Variants in EPN2 observed in about 807,000 individuals in gnomAD.
EPN2 encodes the protein epsin 2.
A neutral mutation model predicts 61.7 loss-of-function variants in EPN2; 34 were observed. The ratio of observed to expected loss-of-function variants is 0.55; its 90% confidence interval spans 0.42 to 0.73. The LOEUF is 0.73. EPN2 is among the 30% of genes least tolerant of loss of function. The pLI is 0.00. For synonymous variants in EPN2, 349 were observed against 353.6 expected (o/e 0.99, Z 0.15); for missense variants, 714 against 839.2 (o/e 0.85, Z 1.84).
chr17:19,317,671 A>C (rs1239164506), intron 7 of EPN2, among the ~76,000 whole-genome samples: 1 of 152,192 alleles, frequency 6.6e-6, no homozygotes, highest in African/African-American at 2.4e-5. Flanking sequence ...CCTTGGTTCC[A>C]TCTTCGTTTC....
intron 1 of EPN2, among the ~76,000 whole-genome samples, chr17:19,240,195 A>G (rs2044868488): frequency 6.6e-6 from 1 of 152,054 alleles, no homozygotes; most frequent in Admixed American, 6.6e-5. Flanking sequence ...ATTTTATGAC[A>G]TGTATACCTG....
At chr17:19,284,983 A>G (rs2045390727) in intron 3 of EPN2, among the ~76,000 whole-genome samples, 1 of 152,250 alleles carries the variant, frequency 6.6e-6, no homozygotes, top group Non-Finnish European at 1.5e-5. Flanking sequence ...CTTAATCTCC[A>G]GAAGCCTCAA....
At chr17:19,243,384 ATTTTTTTTTTTTTTTT>A (rs1013094131) in intron 1 of EPN2, among the ~76,000 whole-genome samples, 1 of 77,280 alleles carries the variant, frequency 1.3e-5, no homozygotes, top group African/African-American at 6.6e-5. Context: ...TGCCTGGCTA[ATTTTTTTTTTTTTTTT>A]TTTTTTTTTT....
At chr17:19,303,442 G>A (rs1368989703) in intron 4 of EPN2, among the ~76,000 whole-genome samples, 1 of 152,202 alleles carries the variant, frequency 6.6e-6, no homozygotes, top group African/African-American at 2.4e-5. Context: ...CTCCGGGCCA[G>A]CCTTCCTTCG....
At chr17:19,309,493 A>G (rs1272484492) in intron 4 of EPN2, among the ~76,000 whole-genome samples, 1 of 152,064 alleles carries the variant, frequency 6.6e-6, no homozygotes, top group Admixed American at 6.5e-5. Context: ...GATGCCCTCC[A>G]CCTGTTTGAA....
intron 1 of EPN2, among the ~76,000 whole-genome samples, chr17:19,248,963 G>GC (rs989523234): frequency 2.0e-5 from 3 of 152,226 alleles, no homozygotes; most frequent in African/African-American, 7.2e-5. Flanking sequence ...AGGATCCCTG[G>GC]CCGAGGGAGC....
intron 5 of EPN2, among the ~76,000 whole-genome samples, chr17:19,310,831 G>A (rs1906102144): frequency 6.6e-6 from 1 of 151,970 alleles, no homozygotes; most frequent in Admixed American, 6.6e-5. Context: ...GCCCACCTCG[G>A]CCTCCCAAAG....
intron 1 of EPN2, among the ~76,000 whole-genome samples, chr17:19,267,819 G>A (rs570963718): frequency 2.6e-5 from 4 of 152,308 alleles, no homozygotes; most frequent in African/African-American, 9.6e-5. Flanking sequence ...GGGATTACAG[G>A]CAGGAGCCAC....
intron 4 of EPN2, among the ~76,000 whole-genome samples, chr17:19,296,096 C>T (rs373557488): frequency 1.3e-5 from 2 of 152,116 alleles, no homozygotes; most frequent in Non-Finnish European, 2.9e-5. Flanking sequence ...TCCCGCAAGT[C>T]CACTCTGCGA....
Position 19,335,596 on chromosome 17 carries a change from A to C in EPN2, c.*1342A>C. 5 of 833,962 alleles carry C rather than the reference A, an allele frequency of 6.0e-6. No individual in the cohort carries two copies. Among genetic ancestry groups the C allele is most frequent in the Non-Finnish European group, 5.3e-6 (3 of 563,896 alleles). 51.7% of individuals were successfully genotyped at this position (833,962 alleles called of 1,614,324 possible). A position where few individuals can be genotyped will look rare whatever the true frequency, so the allele number is the denominator to read the frequency against. ...TTCTGTGCCCACGGGTCCCTGGGCA[A>C]CAGTCCCTAGGCTAAGACAGGGGTG... is the stretch of plus-strand genomic sequence containing the variant. On this transcript the variant is annotated 3_prime_UTR_variant, in exon 11 of 11. Transcript: ENST00000314728.
At chr17:19,257,462 A>G (rs1004946434) in intron 1 of EPN2, among the ~76,000 whole-genome samples, 1 of 152,142 alleles carries the variant, frequency 6.6e-6, no homozygotes, top group Non-Finnish European at 1.5e-5. Context: ...CCTATACGTC[A>G]AGTCCTAGTT....
intron 7 of EPN2, among the ~76,000 whole-genome samples, chr17:19,323,196 GA>G (rs1906721191): frequency 6.6e-6 from 1 of 152,170 alleles, no homozygotes; most frequent in African/African-American, 2.4e-5. Context: ...GGTGCTGTAT[GA>G]TAAGTGATCT....
chr17:19,327,296 G>C (rs1430648239), intron 7 of EPN2, among the ~76,000 whole-genome samples: 1 of 152,108 alleles, frequency 6.6e-6, no homozygotes, highest in Non-Finnish European at 1.5e-5. Flanking sequence ...CCTCAACACA[G>C]ATGACTCTCT....
intron 4 of EPN2, among the ~76,000 whole-genome samples, chr17:19,303,147 A>C (rs1015320395): frequency 1.3e-5 from 2 of 152,176 alleles, no homozygotes; most frequent in East Asian, 3.9e-4. Flanking sequence ...TTTATGCTGA[A>C]ATATTTAAGA....
intron 4 of EPN2, among the ~76,000 whole-genome samples, chr17:19,298,976 C>G (rs1905336338): frequency 6.6e-6 from 1 of 152,018 alleles, no homozygotes; most frequent in Non-Finnish European, 1.5e-5. Flanking sequence ...TGGATTATTT[C>G]TTCAATGTGG....
intron 4 of EPN2, chr17:19,297,375 A>G (rs562278108): frequency 6.6e-6 from 1 of 152,396 alleles, no homozygotes; most frequent in Admixed American, 6.5e-5. Context: ...TATATTATGC[A>G]GATAGTATAA....
intron 7 of EPN2, among the ~76,000 whole-genome samples, chr17:19,327,016 A>C (rs897134134): frequency 2.6e-5 from 4 of 152,190 alleles, no homozygotes; most frequent in African/African-American, 9.7e-5. Flanking sequence ...ATTGGCACAC[A>C]TGGGAAAGTA....
intron 1 of EPN2, among the ~76,000 whole-genome samples, chr17:19,251,555 T>C (rs1448059610): frequency 1.3e-5 from 2 of 152,134 alleles, no homozygotes; most frequent in Non-Finnish European, 2.9e-5. Context: ...TGCCTCAGCC[T>C]CCTGAGTAGC....
At chr17:19,325,830 ATTT>A (rs1286172374) in intron 7 of EPN2, among the ~76,000 whole-genome samples, 1 of 32,724 alleles carries the variant, frequency 3.1e-5, no homozygotes, top group East Asian at 3.2e-4. Context: ...ACATGAAAAA[ATTT>A]CTACAGATAA....
Sources: allele counts gnomAD v4.1 joint callset (sites outside exome capture counted in the v4.1 genomes callset), GRCh38; gene constraint gnomAD v4.1.1; transcripts MANE v1.5; gene names NCBI Gene and HGNC (gene_info 2026-07-23, HGNC 2026-07-21).